Variants in EP400 observed in about 807,000 individuals in gnomAD.
The protein encoded by EP400 is E1A-binding protein p400.
A neutral mutation model predicts 354.1 loss-of-function variants in EP400; 105 were observed. The observed-to-expected ratio is 0.30, with a 90% CI of 0.25 to 0.35. The LOEUF (loss-of-function observed/expected upper bound fraction) is 0.35. EP400 is among the 10% of genes least tolerant of loss of function. The probability of loss-of-function intolerance (pLI) is 1.00; values close to 1 mark genes in which losing one functional copy is unlikely to be tolerated. For missense variants in EP400, 3,280 were observed against 4,121.0 expected, an observed-to-expected ratio of 0.80 and a Z score of 5.59; for synonymous variants, 1,646 against 1,716.9, an observed-to-expected ratio of 0.96 and a Z score of 1.02.
In EP400 at chr12:132,079,234, A is replaced by G. The variant is rs1896319182; in HGVS notation, c.*1561A>G. The stretch of plus-strand genomic sequence containing the variant: ...ACTGGGGAGCTCACTTGAGCTCTTG[A>G]TAAGAAATGTGGAGAAAAGTAAAAA... On this transcript the variant is annotated 3_prime_UTR_variant, in exon 53 of 53. Coordinates refer to ENST00000389561, the MANE Select transcript of EP400 (RefSeq NM_015409.5). 6.6e-6 allele frequency: 1 copy of G among 152,264 alleles called. No homozygotes were observed. The highest frequency in any genetic ancestry group is 2.1e-4 in the South Asian group (1 of 4,834). The allele number at this position is 152,264 out of a possible 1,614,324, so 9.4% of individuals were successfully genotyped here. A position where few individuals can be genotyped will look rare whatever the true frequency, so the allele number is the denominator to read the frequency against.
At chr12:132,072,187 C>G (rs1896089187) in intron 51 of EP400, among the ~76,000 whole-genome samples, 1 of 152,214 alleles carries the variant, frequency 6.6e-6, no homozygotes, top group Non-Finnish European at 1.5e-5. Context: ...CCTCGAACTC[C>G]TGAACTCAAG....
chr12:132,033,794 A>G (rs1264684741), intron 30 of EP400, among the ~76,000 whole-genome samples: 1 of 152,126 alleles, frequency 6.6e-6, no homozygotes, highest in Non-Finnish European at 1.5e-5. Flanking sequence ...AGCCTCCCAA[A>G]ATGCTGGGAT....
intron 39 of EP400, among the ~76,000 whole-genome samples, chr12:132,049,028 A>T (rs1050965115): frequency 6.6e-6 from 1 of 152,228 alleles, no homozygotes; most frequent in East Asian, 1.9e-4. Context: ...AGAGGACCCC[A>T]TGGTGACTTG....
In EP400 at chr12:132,067,041, C is replaced by G; in HGVS notation, c.8749+72C>G. 1 of 1,446,602 alleles carries G rather than the reference C, an allele frequency of 6.9e-7. No individual in the cohort carries two copies. Among genetic ancestry groups the G allele is most frequent in the Non-Finnish European group, 9.1e-7 (1 of 1,099,068 alleles). 89.6% of individuals were successfully genotyped at this position (1,446,602 alleles called of 1,614,324 possible). ...CACAGGCCTCTCTGGTGGCAGTGGTCGCCAGCGACCCGTGTTCTTTCCTCA... is the reference window on the plus strand; with the variant it reads ...CACAGGCCTCTCTGGTGGCAGTGGTGGCCAGCGACCCGTGTTCTTTCCTCA... On this transcript the variant is annotated intron_variant, in intron 49 of 52. Coordinates refer to ENST00000389561, the MANE Select transcript of EP400 (RefSeq NM_015409.5). This position sits in a 1 kb window ranked among gnomAD's most constrained non-coding sequence, Gnocchi z 5.3.
intron 27 of EP400, among the ~76,000 whole-genome samples, chr12:132,028,552 T>C (rs7342292): frequency 0.28 from 42,108 of 152,142 alleles, 9,770 homozygotes; most frequent in African/African-American, 0.64. Context: ...CACACTGTGC[T>C]TGGGGACAGA....
intron 48 of EP400, 73 bp downstream of exon 48, chr12:132,064,959 C>T: frequency 6.6e-7 from 1 of 1,520,638 alleles, no homozygotes; most frequent in South Asian, 1.2e-5. Flanking sequence ...TGCGCTTGCT[C>T]AGGTGCGTGT....
intron 14 of EP400, 120 bp from the exon 15 acceptor site, chr12:132,006,580 G>A: frequency 6.5e-6 from 7 of 1,080,980 alleles, no homozygotes; most frequent in Non-Finnish European, 7.8e-6. Flanking sequence ...CCTGTTTTCT[G>A]TAGATCATTT....
chr12:132,021,805 C>T (rs1034285116), intron 23 of EP400, among the ~76,000 whole-genome samples: 1 of 152,210 alleles, frequency 6.6e-6, no homozygotes, highest in South Asian at 2.1e-4. Context: ...CTTGGGATTG[C>T]TCAACCAAGA....
At chr12:131,964,105 C>G (rs571463358) in intron 2 of EP400, among the ~76,000 whole-genome samples, 1 of 152,158 alleles carries the variant, frequency 6.6e-6, no homozygotes, top group African/African-American at 2.4e-5. Context: ...GGCTTCTAAA[C>G]GGATATTAAG....
chr12:131,961,943 A>G lies in EP400; in HGVS notation c.1324A>G (p.Ile442Val). The change falls in exon 2 of 53, where the codon ATC becomes GTC. Residue 442 changes from isoleucine to valine, a missense_variant. Ile to Val is a conservative substitution (Grantham distance 29). Coordinates refer to ENST00000389561, the MANE Select transcript of EP400 (RefSeq NM_015409.5). ...EEEEEEKSEVINDEQQALAGS... is the reference protein window; with the variant it reads ...EEEEEEKSEVVNDEQQALAGS... ...AGAGGAGGAAGAAAAATCTGAGGTTATCAATGACGAGGTAAGAAACAGGAG... is the reference window on the plus strand; with the variant it reads ...AGAGGAGGAAGAAAAATCTGAGGTTGTCAATGACGAGGTAAGAAACAGGAG... The G allele has an allele frequency of 2.5e-6, 4 of 1,611,528 alleles. No individual in the cohort carries two copies. The highest frequency in any genetic ancestry group is 3.4e-6 in the Non-Finnish European group (4 of 1,178,886).
In EP400 at chr12:132,053,235, T is replaced by C. The variant is rs1895364152; in HGVS notation, c.7473+11T>C. The C allele has an allele frequency of 1.2e-6, 2 of 1,613,280 alleles. No homozygotes were observed. The highest frequency in any genetic ancestry group is 2.7e-5 in the African/African-American group (2 of 74,814). ...GCAAAAGAGAAAAAGGTCAGCGCCC[T>C]GGGCCCTTCTGCTTGAGTGGGAAAA... On this transcript the variant is annotated intron_variant, in intron 42 of 52. Transcript: ENST00000389561.
Position 131,996,896 on chromosome 12 carries a change from T to C in EP400, c.2827+1940T>C, listed in dbSNP as rs1455973981. ...TGGTCAGTTCTGTGTTGCAGTGACA[T>C]TTTCCCAGTTGGTGGTGTGTCTTTT... On this transcript the variant is annotated intron_variant, in intron 12 of 52. Transcript: ENST00000389561. 2.0e-5 allele frequency among the ~76,000 whole-genome samples: 3 copies of C among 152,176 alleles called. No individual in the cohort carries two copies. In the East Asian group the frequency reaches 5.8e-4, roughly 29 times the overall value.
Position 132,029,743 on chromosome 12 carries a change from C to A in EP400, c.5424C>A (p.Ser1808=), listed in dbSNP as rs58319354. 4 of 1,613,224 alleles carry A rather than the reference C, an allele frequency of 2.5e-6. No individual in the cohort carries two copies. The highest frequency in any genetic ancestry group is 2.7e-5 in the African/African-American group (2 of 75,010). Residue 1808 remains serine, a synonymous_variant, in exon 28 of 53, where the codon TCC becomes TCA. Coordinates refer to ENST00000389561, the MANE Select transcript of EP400 (RefSeq NM_015409.5). The surrounding 1 kb of genome is among the most constrained non-coding windows in gnomAD (Gnocchi z 4.7). ...CTCCGGTGGTGGCAGCACCCCCGTC[C>A]CTACGGGTGCCGCGGCCGCCACCCC... The part of the protein sequence containing the change: ...VIPPVVAAPP[S]LRVPRPPPLY...
rs1336651725 is a variant in EP400 at position 131,994,557 on chromosome 12, A to G, written c.2738-310A>G. ...TGACTTCACGGTGATCCCAGATGGC[A>G]TGCCTGTGGGCTTTCCACAGTGGGG... On this transcript the variant is annotated intron_variant, in intron 11 of 52. Transcript: ENST00000389561. The surrounding 1 kb of genome is among the most constrained non-coding windows in gnomAD (Gnocchi z 4.6). 6.6e-6 allele frequency among the ~76,000 whole-genome samples: 1 copy of G among 152,070 alleles called. No individual in the cohort carries two copies. Among genetic ancestry groups the G allele is most frequent in the African/African-American group, 2.4e-5 (1 of 41,406 alleles).
rs375284039 is a variant in EP400, at chr12:131,990,269, C to T, written c.2550+165C>T. On this transcript the variant is annotated intron_variant, in intron 8 of 52. Coordinates refer to ENST00000389561, the MANE Select transcript of EP400 (RefSeq NM_015409.5). The surrounding 1 kb of genome is among the most constrained non-coding windows in gnomAD (Gnocchi z 4.2). ...TGTTGCTTGTTGGCCTTTGAATGAG[C>T]TGCTCGTGCCTCCGTCTGTCTTGCA... Among the ~76,000 whole-genome samples, 163 of 152,300 alleles carry T rather than the reference C, an allele frequency of 1.1e-3. No homozygotes were observed. Among genetic ancestry groups the T allele is most frequent in the Non-Finnish European group, 1.7e-3 (118 of 68,030 alleles).
intron 1 of EP400, among the ~76,000 whole-genome samples, chr12:131,955,916 G>T (rs1209900792): frequency 1.3e-5 from 2 of 152,208 alleles, no homozygotes; most frequent in Non-Finnish European, 2.9e-5. Flanking sequence ...AAAGTGCTGG[G>T]ATTACAGGCA....
rs759040778 is a variant in EP400, at chr12:132,006,702, C to G, written c.3129C>G (p.Val1043=). 9 of 1,585,158 alleles carry G rather than the reference C, an allele frequency of 5.7e-6. 1 individual carries two copies. In the Admixed American group the frequency reaches 9.7e-5, roughly 17 times the overall value. ...CTTTTATTTGTTCATCACTGCAGGT[C>G]AAGTTTAATGCTCCATCTTTGTTGT... ...PKGSARVTTS[V]KFNAPSLLYG... The change falls in exon 15 of 53, where the codon GTC becomes GTG. Residue 1043 remains valine, a splice_region_variant and synonymous_variant. Coordinates refer to ENST00000389561, the MANE Select transcript of EP400 (RefSeq NM_015409.5).
At chr12:132,020,341 G>T (rs1192040253) in intron 22 of EP400, 123 bp downstream of exon 22, 3 of 1,170,238 alleles carry the variant, frequency 2.6e-6, no homozygotes, top group Non-Finnish European at 2.3e-6. Context: ...GGCACCACCC[G>T]CTGGCTTTCT....
At chr12:132,055,601 GGTGT>G (rs1467699512) in intron 45 of EP400, among the ~76,000 whole-genome samples, 1 of 133,162 alleles carries the variant, frequency 7.5e-6, no homozygotes, top group African/African-American at 2.8e-5. Context: ...GTGGTATAGG[GGTGT>G]GTGTGAGGTG....
Sources: gnomAD v4.1 joint callset for allele counts (sites outside exome capture counted in the v4.1 genomes callset) on GRCh38, gnomAD v4.1.1 for gene constraint, Gnocchi (gnomAD v3.1) non-coding constraint, MANE v1.5 for transcripts, NCBI Gene and HGNC (gene_info 2026-07-23, HGNC 2026-07-21) for gene names.